Variants in COL25A1 observed in about 807,000 individuals in gnomAD.
COL25A1 encodes the protein collagen type XXV alpha 1 chain.
Under a neutral mutation model 128.4 loss-of-function variants are expected in COL25A1, and 103 were observed. The observed-to-expected ratio is 0.80, with a 90% confidence interval of 0.68 to 0.94. The LOEUF is 0.94. COL25A1 is among the 40% of genes least tolerant of loss of function. The pLI is 0.00. For synonymous variants in COL25A1, 279 were observed against 277.2 expected (o/e 1.01, Z -0.06); for missense variants, 745 against 840.0 (o/e 0.89, Z 1.40).
intron 3 of COL25A1, among the ~76,000 whole-genome samples, chr4:109,070,990 A>C (rs1467651815): frequency 6.6e-6 from 1 of 152,206 alleles, no homozygotes; most frequent in African/African-American, 2.4e-5. Context: ...CATTGCCAAG[A>C]CAATCCTAAG....
chr4:108,901,203 A>G, intron 13 of COL25A1, 31 bp from the exon 14 acceptor site: 1 of 1,456,816 alleles, frequency 6.9e-7, no homozygotes. Flanking sequence ...ACTACTAAGT[A>G]AAATAGACAA....
intron 11 of COL25A1, among the ~76,000 whole-genome samples, chr4:108,926,236 C>T (rs762497224): frequency 2.6e-5 from 4 of 152,124 alleles, no homozygotes; most frequent in Non-Finnish European, 4.4e-5. Context: ...TGGTTGCCTG[C>T]TATTAGGAAA....
chr4:108,976,674 A>G (rs1752473560), intron 6 of COL25A1, among the ~76,000 whole-genome samples: 1 of 152,328 alleles, frequency 6.6e-6, no homozygotes, highest in Middle Eastern at 3.4e-3. Context: ...ACCCCATCCT[A>G]GGGGCCAGTG....
chr4:108,911,036 G>A (rs1744153180), intron 13 of COL25A1, among the ~76,000 whole-genome samples: 1 of 152,048 alleles, frequency 6.6e-6, no homozygotes, highest in Non-Finnish European at 1.5e-5. Context: ...TTATGGTTTT[G>A]ACAATAAATT....
At chr4:109,179,368 G>A (rs547102223) in intron 3 of COL25A1, among the ~76,000 whole-genome samples, 70 of 152,262 alleles carry the variant, frequency 4.6e-4, no homozygotes, top group Non-Finnish European at 2.6e-4. Context: ...GCCCTGTACC[G>A]TTCAACTATG....
chr4:109,288,962 TACACACACACACACACACAC>T (rs3079876), intron 3 of COL25A1, among the ~76,000 whole-genome samples: 3 of 133,532 alleles, frequency 2.2e-5, no homozygotes, highest in Admixed American at 7.8e-5. Flanking sequence ...AAATTATATA[TACACACACACACACACACAC>T]ACACACACAC....
intron 3 of COL25A1, among the ~76,000 whole-genome samples, chr4:109,298,711 G>A (rs2126291742): frequency 6.6e-6 from 1 of 152,244 alleles, no homozygotes; most frequent in African/African-American, 2.4e-5. Flanking sequence ...CAAGCAAAAG[G>A]GAGTATTTCC....
At chr4:109,089,705 A>C (rs1489272002) in intron 3 of COL25A1, among the ~76,000 whole-genome samples, 1 of 152,174 alleles carries the variant, frequency 6.6e-6, no homozygotes, top group Admixed American at 6.5e-5. Context: ...TCCTGAACTC[A>C]AGTGATTCTC....
chr4:109,265,437 T>A (rs978864670), intron 3 of COL25A1, among the ~76,000 whole-genome samples: 2 of 152,134 alleles, frequency 1.3e-5, no homozygotes, highest in Non-Finnish European at 2.9e-5. Context: ...ATTTTCCTTA[T>A]ACTTTTTCCA....
At chr4:109,251,574 T>C (rs1474485274) in intron 3 of COL25A1, among the ~76,000 whole-genome samples, 1 of 152,134 alleles carries the variant, frequency 6.6e-6, no homozygotes, top group African/African-American at 2.4e-5. Flanking sequence ...AACTCCCTTC[T>C]TTGCCTGTTG....
chr4:109,193,110 C>T (rs979697310), intron 3 of COL25A1, among the ~76,000 whole-genome samples: 1 of 152,036 alleles, frequency 6.6e-6, no homozygotes, highest in African/African-American at 2.4e-5. Flanking sequence ...TTCTGTAATA[C>T]AGGAATGGAC....
At chr4:108,952,327 CTG>C (rs750530877) in intron 8 of COL25A1, among the ~76,000 whole-genome samples, 39 of 151,682 alleles carry the variant, frequency 2.6e-4, no homozygotes, top group African/African-American at 8.7e-4. Context: ...CAAAAAAAAA[CTG>C]TGAAAATTTT....
At chr4:108,836,342 A>G in intron 31 of COL25A1, among the ~76,000 whole-genome samples, 1 of 152,222 alleles carries the variant, frequency 6.6e-6, no homozygotes, top group East Asian at 1.9e-4. Flanking sequence ...TTTAAATAAA[A>G]TAGAAAATCC....
Position 108,914,102 on chromosome 4 carries a change from A to G in COL25A1, c.780+4070T>C, listed in dbSNP as rs983247023. ...TATTTTTAGGTAGGATTTGCTTTAG[A>G]TCTGCCCTAACTGCTTGGTTGGTGG... On this transcript the variant is annotated intron_variant, in intron 13 of 37. Transcript: ENST00000399132. Among the ~76,000 whole-genome samples the G allele has an allele frequency of 2.0e-5, 3 of 152,210 alleles. No individual in the cohort carries two copies. In the East Asian group the frequency reaches 5.8e-4, roughly 29 times the overall value.
chr4:108,995,678 A>C (rs1754698384), intron 6 of COL25A1, among the ~76,000 whole-genome samples: 1 of 152,202 alleles, frequency 6.6e-6, no homozygotes, highest in Non-Finnish European at 1.5e-5. Context: ...AGATTCACCA[A>C]GGTTGAAATG....
chr4:108,893,108 TTTCATAC>T (rs1360430803), intron 16 of COL25A1, among the ~76,000 whole-genome samples: 1 of 152,206 alleles, frequency 6.6e-6, no homozygotes, highest in Non-Finnish European at 1.5e-5. Context: ...AAAGACGCAT[TTTCATAC>T]TTCATACTTC....
rs149683355 is a variant in COL25A1, at chr4:108,979,228, T to G, written c.439-4669A>C. 3.3e-3 allele frequency among the ~76,000 whole-genome samples: 505 copies of G among 152,312 alleles called. 3 individuals are homozygous for G. Among genetic ancestry groups the G allele is most frequent in the African/African-American group, 0.012 (497 of 41,566 alleles). On this transcript the variant is annotated intron_variant, in intron 6 of 37. Coordinates refer to ENST00000399132, the MANE Select transcript of COL25A1 (RefSeq NM_198721.4). ...ATGTGGGTTTTGGCCTATACCAATT[T>G]AAGTCTCCTCAAATCTACTTCCGTT... is the stretch of plus-strand genomic sequence containing the variant.
At chr4:108,870,776 G>T (rs2125812360) in intron 19 of COL25A1, among the ~76,000 whole-genome samples, 1 of 152,218 alleles carries the variant, frequency 6.6e-6, no homozygotes, top group East Asian at 1.9e-4. Flanking sequence ...CTTCCCAAGA[G>T]AAATGCTGTG....
chr4:108,824,854 T>C (rs927534009), intron 34 of COL25A1, among the ~76,000 whole-genome samples: 1 of 152,204 alleles, frequency 6.6e-6, no homozygotes, highest in Non-Finnish European at 1.5e-5. Context: ...TAATATATCA[T>C]TCTGTAAGGA....
Sources: allele counts gnomAD v4.1 joint callset (sites outside exome capture counted in the v4.1 genomes callset), GRCh38; gene constraint gnomAD v4.1.1; transcripts MANE v1.5; gene names NCBI Gene and HGNC (gene_info 2026-07-23, HGNC 2026-07-21).